SHLD2: variants seen among roughly 807,000 people sequenced by gnomAD.
SHLD2 encodes the protein RINN1-REV7-interacting novel NHEJ regulator 2.
Under a neutral mutation model 73.2 loss-of-function variants are expected in SHLD2, and 30 were observed. The ratio of observed to expected loss-of-function variants is 0.41; its 90% CI spans 0.31 to 0.56. The LOEUF (loss-of-function observed/expected upper bound fraction) is 0.56, where lower values mean the gene tolerates loss of function less well. Ranked by LOEUF, SHLD2 falls within the 20% of genes least tolerant of loss-of-function variation. SHLD2 has a pLI of 0.28. For synonymous variants in SHLD2, 285 were observed against 370.1 expected (o/e 0.77, Z 2.64); for missense variants, 745 against 1,055.9 (o/e 0.71, Z 4.08).
chr10:87,125,163 T>A (rs1843903866), intron 2 of SHLD2, among the ~76,000 whole-genome samples: 1 of 152,216 alleles, frequency 6.6e-6, no homozygotes, highest in South Asian at 2.1e-4. Flanking sequence ...TAGATGAAAC[T>A]CATATCTCAT....
At chr10:87,165,515 G>A (rs528991423) in intron 4 of SHLD2, among the ~76,000 whole-genome samples, 10 of 152,224 alleles carry the variant, frequency 6.6e-5, no homozygotes, top group African/African-American at 2.4e-4. Context: ...TTGTGGAATT[G>A]CCAAAAATGC....
intron 2 of SHLD2, among the ~76,000 whole-genome samples, chr10:87,114,702 G>C (rs1485755809): frequency 2.0e-5 from 3 of 152,038 alleles, no homozygotes; most frequent in Non-Finnish European, 4.4e-5. Context: ...TCCAGCCTGG[G>C]CGACAGAGCA....
chr10:87,124,767 A>ATT (rs1383356750), intron 2 of SHLD2, among the ~76,000 whole-genome samples: 2 of 143,986 alleles, frequency 1.4e-5, no homozygotes, highest in East Asian at 4.0e-4. Context: ...TTTTTTTGAG[A>ATT]CAGAATCTTG....
chr10:87,185,578 T>C (rs1180104099), intron 8 of SHLD2, among the ~76,000 whole-genome samples: 1 of 152,240 alleles, frequency 6.6e-6, no homozygotes, highest in Non-Finnish European at 1.5e-5. Flanking sequence ...CCAGTACTTC[T>C]TATTCTGTAT....
At chr10:87,128,180 C>T (rs1426230963) in intron 2 of SHLD2, among the ~76,000 whole-genome samples, 1 of 152,260 alleles carries the variant, frequency 6.6e-6, no homozygotes, top group East Asian at 1.9e-4. Flanking sequence ...TCATAGGTAA[C>T]CATCCTCAAC....
In SHLD2 at chr10:87,159,815, T is replaced by C. The variant is rs185649389; in HGVS notation, c.1633+1660T>C. Among the ~76,000 whole-genome samples, 730 of 152,240 alleles carry C rather than the reference T, an allele frequency of 4.8e-3. 5 individuals carry two copies. The highest frequency in any genetic ancestry group is 7.7e-3 in the Non-Finnish European group (527 of 68,008). On this transcript the variant is annotated intron_variant, in intron 4 of 9. Transcript: ENST00000298786. ...GAAAGACTGAGAGGGAACTGGTTTGTGGGGAAAAGGACTATGTTTCAAGGC... is the reference window on the plus strand; with the variant it reads ...GAAAGACTGAGAGGGAACTGGTTTGCGGGGAAAAGGACTATGTTTCAAGGC...
intron 2 of SHLD2, among the ~76,000 whole-genome samples, chr10:87,141,931 T>C (rs1845223037): frequency 1.3e-5 from 2 of 151,426 alleles, no homozygotes; most frequent in African/African-American, 2.4e-5. Context: ...CTCGGGAGAC[T>C]GAGGCGGGAG....
chr10:87,165,863 GGTAACTCT>G (rs1847159850), intron 4 of SHLD2, among the ~76,000 whole-genome samples: 1 of 152,086 alleles, frequency 6.6e-6, no homozygotes, highest in African/African-American at 2.4e-5. Flanking sequence ...AGGAATATAA[GGTAACTCT>G]GTACTATTTT....
rs575295168 is a variant in SHLD2, at chr10:87,101,327, GTTA to G, written c.-6+4341_-6+4343del. On this transcript the variant is annotated intron_variant, in intron 2 of 9. Transcript: ENST00000298786. ...TGGCCTTTGAAAATTTAAGATATTT[GTTA>G]TTTCAAAATAAAATGTGTAATCAAC... Among the ~76,000 whole-genome samples, 28 of 152,246 alleles carry G rather than the reference GTTA, an allele frequency of 1.8e-4. No individual in the cohort carries two copies. In the South Asian group the frequency reaches 5.4e-3, roughly 29 times the overall value.
At chr10:87,114,706 C>T (rs1843138243) in intron 2 of SHLD2, among the ~76,000 whole-genome samples, 1 of 151,954 alleles carries the variant, frequency 6.6e-6, no homozygotes, top group South Asian at 2.1e-4. Flanking sequence ...GCCTGGGCGA[C>T]AGAGCAAGAC....
chr10:87,133,255 T>A (rs890543667), intron 2 of SHLD2, among the ~76,000 whole-genome samples: 1 of 152,172 alleles, frequency 6.6e-6, no homozygotes, highest in Non-Finnish European at 1.5e-5. Flanking sequence ...CCGTGCCCAA[T>A]TGGTTTCTTT....
At chr10:87,097,722 A>C (rs1157080048) in intron 2 of SHLD2, among the ~76,000 whole-genome samples, 1 of 152,124 alleles carries the variant, frequency 6.6e-6, no homozygotes, top group Non-Finnish European at 1.5e-5. Context: ...TGAGTACCCT[A>C]TAAAACAGAT....
intron 4 of SHLD2, among the ~76,000 whole-genome samples, chr10:87,166,987 ATGAT>A (rs1847250624): frequency 1.3e-5 from 2 of 149,058 alleles, no homozygotes; most frequent in Admixed American, 6.7e-5. Flanking sequence ...GTGTGTATAA[ATGAT>A]AGCTAAATGG....
chr10:87,142,610 T>C (rs1230024706), intron 2 of SHLD2, among the ~76,000 whole-genome samples: 1 of 152,058 alleles, frequency 6.6e-6, no homozygotes, highest in Admixed American at 6.6e-5. Flanking sequence ...AAGGATTTGA[T>C]GAGAAATTGG....
rs536153451 is a variant in SHLD2 at position 87,178,754 on chromosome 10, C to G, written c.2171-1321C>G. On this transcript the variant is annotated intron_variant, in intron 7 of 9. Coordinates refer to ENST00000298786, the MANE Select transcript of SHLD2 (RefSeq NM_001330112.2). ...TAATAATAATTTTGTAGTGATTTGA[C>G]ATGTCTTTGGAAAGATGTGGTATTG... Among the ~76,000 whole-genome samples, 445 of 152,272 alleles carry G rather than the reference C, an allele frequency of 2.9e-3. 3 individuals are homozygous for G. The highest frequency in any genetic ancestry group is 0.01 in the African/African-American group (429 of 41,546).
chr10:87,098,531 CAG>C (rs1842058543), intron 2 of SHLD2, among the ~76,000 whole-genome samples: 1 of 142,576 alleles, frequency 7.0e-6, no homozygotes, highest in Admixed American at 7.0e-5. Flanking sequence ...AAAAAAAAAA[CAG>C]GGAGTGAGGC....
At chr10:87,168,308 T>G (rs914955851) in intron 4 of SHLD2, among the ~76,000 whole-genome samples, 2 of 152,094 alleles carry the variant, frequency 1.3e-5, no homozygotes, top group African/African-American at 4.8e-5. Flanking sequence ...TAAAAAGGAA[T>G]GAAATCAGGA....
chr10:87,138,162 G>A (rs1589526136), intron 2 of SHLD2, among the ~76,000 whole-genome samples: 2 of 152,014 alleles, frequency 1.3e-5, no homozygotes, highest in Non-Finnish European at 2.9e-5. Context: ...GCCGGGTGTG[G>A]CGGTGCACAC....
intron 2 of SHLD2, among the ~76,000 whole-genome samples, chr10:87,139,338 G>A (rs1051510304): frequency 1.3e-5 from 2 of 152,052 alleles, no homozygotes; most frequent in Non-Finnish European, 2.9e-5. Context: ...CTCTTTTAAA[G>A]AATACAGTAA....
Sources: gnomAD v4.1 joint callset for allele counts (sites outside exome capture counted in the v4.1 genomes callset) on GRCh38, gnomAD v4.1.1 for gene constraint, MANE v1.5 for transcripts, NCBI Gene and HGNC (gene_info 2026-07-23, HGNC 2026-07-21) for gene names.